Variants in LRRC49 observed in about 807,000 individuals in gnomAD.
The protein encoded by LRRC49 is leucine rich repeat containing 49.
A neutral mutation model predicts 83.3 loss-of-function variants in LRRC49; 50 were observed. The ratio of observed to expected loss-of-function variants is 0.60; its 90% CI spans 0.48 to 0.76. The LOEUF (loss-of-function observed/expected upper bound fraction) is 0.76, where lower values mean the gene tolerates loss of function less well. Ranked by LOEUF, LRRC49 falls within the 30% of genes least tolerant of loss-of-function variation. LRRC49 has a pLI of 0.00. For synonymous variants in LRRC49, 286 were observed against 283.3 expected (o/e 1.01, Z -0.10); for missense variants, 704 against 809.1 (o/e 0.87, Z 1.58).
At chr15:70,856,022 A>G (rs575686161) in intron 1 of LRRC49, among the ~76,000 whole-genome samples, 2 of 152,136 alleles carry the variant, frequency 1.3e-5, no homozygotes, top group Non-Finnish European at 2.9e-5. Flanking sequence ...TCGTGTGGCA[A>G]AGACATCAGG....
At chr15:70,862,266 C>T (rs2032807107) in intron 1 of LRRC49, among the ~76,000 whole-genome samples, 1 of 152,054 alleles carries the variant, frequency 6.6e-6, no homozygotes, top group African/African-American at 2.4e-5. Context: ...ATCTTAGAAT[C>T]ACCTGGGGGG....
At chr15:70,900,556 G>A (rs1360047294) in intron 3 of LRRC49, 1 of 457,522 alleles carries the variant, frequency 2.2e-6, no homozygotes, top group East Asian at 6.9e-5. Flanking sequence ...CAGCAGGGCT[G>A]TCATAGTGCT....
rs1343976655 is a variant in LRRC49 at position 70,974,720 on chromosome 15, TA to T, written c.922-5366del. Among the ~76,000 whole-genome samples, 1,120 of 128,908 alleles carry T rather than the reference TA, an allele frequency of 8.7e-3. 3 individuals carry two copies. Among genetic ancestry groups the T allele is most frequent in the African/African-American group, 0.014 (476 of 34,588 alleles). 84.6% of individuals were successfully genotyped at this position (128,908 alleles called of 152,430 possible). Reference sequence around the variant, plus strand: ...TGGCTTTTATGTTTTCAAAGCATTGTAAAAAAAAAAAAAAAGAACAACAAAG... The same window carrying T: ...TGGCTTTTATGTTTTCAAAGCATTGTAAAAAAAAAAAAAAGAACAACAAAG... On this transcript the variant is annotated intron_variant, in intron 9 of 15. Coordinates refer to ENST00000260382, the MANE Select transcript of LRRC49 (RefSeq NM_017691.5).
At chr15:70,894,115 C>T (rs190259577) in intron 2 of LRRC49, among the ~76,000 whole-genome samples, 67 of 152,244 alleles carry the variant, frequency 4.4e-4, no homozygotes, top group Non-Finnish European at 6.6e-4. Context: ...AGGCTGTTCT[C>T]GAGCTCCTGA....
At chr15:70,930,995 C>T (rs1181097627) in intron 7 of LRRC49, among the ~76,000 whole-genome samples, 1 of 152,146 alleles carries the variant, frequency 6.6e-6, no homozygotes, top group Non-Finnish European at 1.5e-5. Context: ...TTGTGTGTTC[C>T]ACTGGAGTAG....
At position 71,053,265 on chromosome 15, in the gene LRRC49, A is replaced by T. The variant is rs2040014849; in HGVS notation, c.*3653A>T. The T allele has an allele frequency of 6.6e-6, 1 of 152,230 alleles. No homozygotes were observed. Among genetic ancestry groups the T allele is most frequent in the African/African-American group, 2.4e-5 (1 of 41,470 alleles). 9.4% of individuals were successfully genotyped at this position (152,230 alleles called of 1,614,324 possible). ...AGATGAAGCAACAAGATTTACTGACAGAACTGGATATGGAGTATGAGAAAC... is the reference window on the plus strand; with the variant it reads ...AGATGAAGCAACAAGATTTACTGACTGAACTGGATATGGAGTATGAGAAAC... On this transcript the variant is annotated 3_prime_UTR_variant, in exon 16 of 16. Transcript: ENST00000260382.
At chr15:70,931,292 A>G (rs2035397293) in intron 7 of LRRC49, among the ~76,000 whole-genome samples, 1 of 152,194 alleles carries the variant, frequency 6.6e-6, no homozygotes, top group Non-Finnish European at 1.5e-5. Flanking sequence ...CAGTGAGTGG[A>G]GCAGTCAGAA....
At chr15:70,866,515 T>C (rs2032918135) in intron 1 of LRRC49, among the ~76,000 whole-genome samples, 1 of 152,152 alleles carries the variant, frequency 6.6e-6, no homozygotes, top group Admixed American at 6.5e-5. Flanking sequence ...CTGAGTCTTA[T>C]TAGGTTAGGT....
chr15:70,883,684 T>C (rs1390977708), intron 2 of LRRC49, among the ~76,000 whole-genome samples: 6 of 150,760 alleles, frequency 4.0e-5, no homozygotes, highest in Non-Finnish European at 8.8e-5. Context: ...GGTCTCCCTC[T>C]GTCACCCAGA....
At chr15:70,878,023 C>T (rs2033187810) in intron 2 of LRRC49, among the ~76,000 whole-genome samples, 1 of 152,036 alleles carries the variant, frequency 6.6e-6, no homozygotes, top group African/African-American at 2.4e-5. Flanking sequence ...GTCCCAGCTA[C>T]TCAGGAGGCT....
chr15:70,981,595 AT>A (rs34781684), intron 10 of LRRC49, among the ~76,000 whole-genome samples: 121,544 of 151,916 alleles, frequency 0.8, 49,205 homozygotes, highest in Admixed American at 0.86. Flanking sequence ...TTGCTTTTCT[AT>A]TTTTTTTATT....
intron 14 of LRRC49, among the ~76,000 whole-genome samples, chr15:71,034,762 A>T (rs2141294856): frequency 6.6e-6 from 1 of 152,312 alleles, no homozygotes; most frequent in African/African-American, 2.4e-5. Context: ...ATCGAGATGG[A>T]AGCCATTAGC....
chr15:70,970,942 G>C (rs1351160191), intron 9 of LRRC49, among the ~76,000 whole-genome samples: 1 of 152,040 alleles, frequency 6.6e-6, no homozygotes, highest in Non-Finnish European at 1.5e-5. Context: ...TCAGCTCCTG[G>C]ATTCATTGAT....
chr15:70,871,427 C>A (rs1483184281), intron 1 of LRRC49, among the ~76,000 whole-genome samples: 3 of 152,218 alleles, frequency 2.0e-5, no homozygotes, highest in Admixed American at 6.5e-5. Flanking sequence ...TCGACAAAAC[C>A]CCCATCGTCA....
chr15:70,895,669 A>G (rs1332051196), intron 2 of LRRC49, 180 bp from the exon 3 acceptor site: 2 of 505,742 alleles, frequency 4.0e-6, no homozygotes, highest in East Asian at 3.3e-5. Flanking sequence ...TATGCTTTCC[A>G]TCTCTATGGA....
intron 15 of LRRC49, among the ~76,000 whole-genome samples, chr15:71,040,542 G>A (rs989874366): frequency 5.9e-5 from 9 of 152,208 alleles, no homozygotes; most frequent in South Asian, 2.1e-4. Flanking sequence ...TCAAGCGGCC[G>A]GGCGCGGTGG....
chr15:71,026,273 T>A (rs1000379183), intron 14 of LRRC49, among the ~76,000 whole-genome samples: 4 of 152,202 alleles, frequency 2.6e-5, no homozygotes, highest in Non-Finnish European at 5.9e-5. Context: ...CTGCGTAGTA[T>A]TCCATGGTGT....
chr15:70,916,747 C>T (rs1283521002), intron 6 of LRRC49, among the ~76,000 whole-genome samples: 2 of 152,082 alleles, frequency 1.3e-5, no homozygotes, highest in African/African-American at 2.4e-5. Flanking sequence ...CGAGTTGGGG[C>T]GGGAGCTCCC....
intron 8 of LRRC49, among the ~76,000 whole-genome samples, chr15:70,938,885 G>C (rs2035699662): frequency 6.6e-6 from 1 of 151,916 alleles, no homozygotes; most frequent in Non-Finnish European, 1.5e-5. Flanking sequence ...ACCCATATAG[G>C]GATCCTAAGA....
Sources: gnomAD v4.1 joint callset for allele counts (sites outside exome capture counted in the v4.1 genomes callset) on GRCh38, gnomAD v4.1.1 for gene constraint, MANE v1.5 for transcripts, NCBI Gene and HGNC (gene_info 2026-07-23, HGNC 2026-07-21) for gene names.